ATAD2: variants seen among roughly 807,000 people sequenced by gnomAD.
ATAD2 encodes the protein ATPase family AAA domain containing 2.
A neutral mutation model predicts 168.9 loss-of-function variants in ATAD2; 62 were observed. The observed-to-expected ratio is 0.37, with a 90% CI of 0.30 to 0.45. The LOEUF (loss-of-function observed/expected upper bound fraction) is 0.45, where lower values mean the gene tolerates loss of function less well. Ranked by LOEUF, ATAD2 falls within the 20% of genes least tolerant of loss-of-function variation. The pLI is 1.00. For synonymous variants in ATAD2, 613 were observed against 571.6 expected, an observed-to-expected ratio of 1.07 and a Z score of -1.03; for missense variants, 1,419 against 1,667.8, an observed-to-expected ratio of 0.85 and a Z score of 2.60.
At position 123,340,947 on chromosome 8, in the gene ATAD2, C is replaced by CT. The variant is rs557121930; in HGVS notation, c.2719-1502dup. ...AAATGGATGAAATGGTAAGTTTTGT[C>CT]TTTTTTTTTTTTTGAGACAGGGTCT... On this transcript the variant is annotated intron_variant, in intron 19 of 27. Transcript: ENST00000287394. 2.7e-3 allele frequency among the ~76,000 whole-genome samples: 392 copies of CT among 143,364 alleles called. 3 individuals are homozygous for CT. Among genetic ancestry groups the CT allele is most frequent in the South Asian group, 0.011 (52 of 4,532 alleles). 94.1% of individuals were successfully genotyped at this position (143,364 alleles called of 152,430 possible).
At chr8:123,385,146 T>C (rs1829610968) in intron 1 of ATAD2, among the ~76,000 whole-genome samples, 1 of 152,224 alleles carries the variant, frequency 6.6e-6, no homozygotes, top group African/African-American at 2.4e-5. Flanking sequence ...ATTACAGCTA[T>C]ACAGGTTTCC....
intron 24 of ATAD2, among the ~76,000 whole-genome samples, chr8:123,330,774 T>C (rs996358264): frequency 2.0e-5 from 3 of 152,258 alleles, no homozygotes; most frequent in African/African-American, 7.2e-5. Context: ...TCTTGAATTG[T>C]ATTAGAGTCT....
chr8:123,321,681 G>A (rs1827472062), intron 27 of ATAD2, among the ~76,000 whole-genome samples: 1 of 151,964 alleles, frequency 6.6e-6, no homozygotes, highest in African/African-American at 2.4e-5. Context: ...GCCTGTTAAT[G>A]CCAGCACTTT....
chr8:123,357,475 C>A lies in ATAD2; in HGVS notation c.1557+87G>T, dbSNP rs528040629. On this transcript the variant is annotated intron_variant, in intron 12 of 27. Coordinates refer to ENST00000287394, the MANE Select transcript of ATAD2 (RefSeq NM_014109.4). ...AATTCTTCTGGGTTTATTTAGAACACTGATTAAATGTAAGATTTATCTAAT... is the reference window on the plus strand; with the variant it reads ...AATTCTTCTGGGTTTATTTAGAACAATGATTAAATGTAAGATTTATCTAAT... 4.8e-6 allele frequency: 6 copies of A among 1,239,950 alleles called. No individual in the cohort carries two copies. In the Admixed American group the frequency reaches 1.8e-4, roughly 38 times the overall value. The allele number at this position is 1,239,950 out of a possible 1,614,324, so 76.8% of individuals were successfully genotyped here.
In ATAD2 at chr8:123,330,374, T is replaced by C. The variant is rs150047571; in HGVS notation, c.3479-1795A>G. On this transcript the variant is annotated intron_variant, in intron 24 of 27. Transcript: ENST00000287394. ...GAAGCTGCTTCTCTTGTTATCTTGA[T>C]TTTTTTTTGAGATGGAGTCTTGCTC... Among the ~76,000 whole-genome samples, 309 of 151,088 alleles carry C rather than the reference T, an allele frequency of 2.0e-3. 1 individual carries two copies. Among genetic ancestry groups the C allele is most frequent in the African/African-American group, 7.1e-3 (294 of 41,164 alleles).
At position 123,356,452 on chromosome 8, in the gene ATAD2, A is replaced by T. The variant is rs1828648922; in HGVS notation, c.1583T>A (p.Ile528Asn). Residue 528 changes from isoleucine (I) to asparagine (N), a missense_variant, in exon 13 of 28, where the codon ATT (isoleucine) becomes AAT (asparagine). Physicochemically the swap from Ile to Asn is moderately radical, Grantham distance 149. Coordinates refer to ENST00000287394, the MANE Select transcript of ATAD2 (RefSeq NM_014109.4). ...DQAYQMRPSI[I>N]FFDEIDGLAP... ...CAGACCATCAATTTCGTCAAAAAAA[A>T]TAATTGATGGGCGCATCTGATAGGC... The T allele has an allele frequency of 6.2e-7, 1 of 1,612,464 alleles. No individual in the cohort carries two copies.
chr8:123,380,432 T>C lies in ATAD2; in HGVS notation c.320+97A>G, dbSNP rs1048609993. The C allele has an allele frequency of 3.1e-6, 4 of 1,276,932 alleles. No individual in the cohort carries two copies. The Admixed American group carries it at 6.0e-5, about 19-fold the overall frequency. The allele number at this position is 1,276,932 out of a possible 1,614,324, so 79.1% of individuals were successfully genotyped here. On this transcript the variant is annotated intron_variant, in intron 2 of 27. Coordinates refer to ENST00000287394, the MANE Select transcript of ATAD2 (RefSeq NM_014109.4). ...AACTACATTTTATAGCCCTAGAACC[T>C]TGATGACCAGTCAAAAATACACTTC...
At chr8:123,343,371 A>G (rs10102609) in intron 19 of ATAD2, among the ~76,000 whole-genome samples, 91 of 152,230 alleles carry the variant, frequency 6.0e-4, no homozygotes, top group African/African-American at 2.1e-3. Context: ...TTTCTCCACA[A>G]TAATAGTTAG....
chr8:123,345,395 C>A (rs1363341743), intron 18 of ATAD2, among the ~76,000 whole-genome samples: 1 of 151,788 alleles, frequency 6.6e-6, no homozygotes, highest in Non-Finnish European at 1.5e-5. Flanking sequence ...GGCGCGGTGG[C>A]TCATGCCTAT....
intron 24 of ATAD2, among the ~76,000 whole-genome samples, chr8:123,332,252 A>G (rs556984167): frequency 5.9e-4 from 90 of 152,326 alleles, no homozygotes; most frequent in African/African-American, 2.1e-3. Flanking sequence ...AAATCCACAC[A>G]TATGTGGACC....
At chr8:123,367,255 A>C (rs1304011426) in intron 8 of ATAD2, among the ~76,000 whole-genome samples, 1 of 152,104 alleles carries the variant, frequency 6.6e-6, no homozygotes, top group African/African-American at 2.4e-5. Context: ...TCTCTACTAA[A>C]AATACAAAAA....
chr8:123,411,613 C>T (rs1054346490), intron 1 of ATAD2, among the ~76,000 whole-genome samples: 2 of 152,098 alleles, frequency 1.3e-5, no homozygotes, highest in African/African-American at 4.8e-5. Context: ...AAGAAATAGC[C>T]AATCTATTGC....
At chr8:123,378,148 G>C (rs1829375213) in intron 2 of ATAD2, among the ~76,000 whole-genome samples, 1 of 152,066 alleles carries the variant, frequency 6.6e-6, no homozygotes, top group Non-Finnish European at 1.5e-5. Context: ...TAACATCTCT[G>C]AAATTGGAAT....
At chr8:123,340,250 T>C (rs1828026880) in intron 19 of ATAD2, among the ~76,000 whole-genome samples, 1 of 152,046 alleles carries the variant, frequency 6.6e-6, no homozygotes, top group Admixed American at 6.6e-5. Flanking sequence ...AAATGAGATA[T>C]AAGAAAGAGC....
intron 19 of ATAD2, among the ~76,000 whole-genome samples, chr8:123,340,793 G>C (rs1015378608): frequency 6.6e-6 from 1 of 152,182 alleles, no homozygotes; most frequent in Non-Finnish European, 1.5e-5. Flanking sequence ...GCTGTGGGAA[G>C]ATAGAAATGG....
In ATAD2 at chr8:123,401,855, T is replaced by C; in HGVS notation, c.-2281-680A>G. 3 of 762,118 alleles carry C rather than the reference T, an allele frequency of 3.9e-6. No individual in the cohort carries two copies. In the South Asian group the frequency reaches 4.0e-5, roughly 10 times the overall value. The allele number at this position is 762,118 out of a possible 1,614,324, so 47.2% of individuals were successfully genotyped here. ...GAGCAGCAGCAGCCAGGCACGATACTTCAGTGAGGAGGATAAGGTGAAGAT... is the reference window on the plus strand; with the variant it reads ...GAGCAGCAGCAGCCAGGCACGATACCTCAGTGAGGAGGATAAGGTGAAGAT... On this transcript the variant is annotated intron_variant, in intron 1 of 28. Transcript: ENST00000521903.
Position 123,345,005 on chromosome 8 carries a change from C to G in ATAD2, c.2597G>C (p.Trp866Ser). ...IVYVPHIHVW[W>S]EIVGPTLKAT... ...TTTAAGTGTCGGTCCAACTATTTCC[C>G]ACCACACGTGGATATGAGGAACATA... The change falls in exon 19 of 28, where the codon TGG becomes TCG. Residue 866 changes from tryptophan to serine, a missense_variant. Transcript: ENST00000287394. 6.2e-7 allele frequency: 1 copy of G among 1,614,040 alleles called. No individual in the cohort carries two copies. Among genetic ancestry groups the G allele is most frequent in the Non-Finnish European group, 8.5e-7 (1 of 1,179,952 alleles).
At position 123,359,303 on chromosome 8, in the gene ATAD2, G is replaced by T; in HGVS notation, c.1300C>A (p.His434Asn). The T allele has an allele frequency of 6.2e-7, 1 of 1,611,912 alleles. No homozygotes were observed. The highest frequency in any genetic ancestry group is 1.1e-5 in the South Asian group (1 of 90,402). Residue 434 changes from histidine (H) to asparagine (N), a missense_variant, in exon 11 of 28, where the codon CAT (histidine) becomes AAT (asparagine). His to Asn is a moderately conservative substitution (Grantham distance 68). Coordinates refer to ENST00000287394, the MANE Select transcript of ATAD2 (RefSeq NM_014109.4). ...ACCATCTCTTTTAGAGCTGCTATAT[G>T]ATTAGACAGGCCACCAACACTATCA... is the stretch of plus-strand genomic sequence containing the variant. ...RFDSVGGLSN[H>N]IAALKEMVVF...
At chr8:123,389,960 T>TTATATTTA (rs1829770248) in intron 1 of ATAD2, among the ~76,000 whole-genome samples, 1 of 94,060 alleles carries the variant, frequency 1.1e-5, no homozygotes, top group African/African-American at 3.7e-5. Context: ...TACTATTATT[T>TTATATTTA]TATATATATA....
Sources: allele counts gnomAD v4.1 joint callset (sites outside exome capture counted in the v4.1 genomes callset), GRCh38; gene constraint gnomAD v4.1.1; transcripts MANE v1.5; gene names NCBI Gene and HGNC (gene_info 2026-07-23, HGNC 2026-07-21).